Variants in MID1 observed in about 807,000 individuals in gnomAD.
MID1 encodes midline 1.
Under a neutral mutation model 40.4 loss-of-function variants are expected in MID1, and 7 were observed. The observed-to-expected ratio is 0.17, with a 90% CI of 0.10 to 0.33. MID1 has a LOEUF of 0.33. Among genes scored for constraint, MID1 ranks in the 10% least tolerant of loss-of-function variants. MID1 has a pLI of 1.00. For missense variants in MID1, 367 were observed against 558.5 expected, an observed-to-expected ratio of 0.66 and a Z score of 3.46; for synonymous variants, 229 against 221.2, an observed-to-expected ratio of 1.04 and a Z score of -0.31.
intron 1 of MID1, among the ~76,000 whole-genome samples, chrX:10,609,784 C>T (rs1935700425): frequency 1.0e-5 from 1 of 98,510 alleles, no homozygotes; most frequent in Non-Finnish European, 2.0e-5. Flanking sequence ...GTGGCGCGAT[C>T]TCGGCTCACT....
chrX:10,462,365 T>TA (rs983077259), intron 7 of MID1, among the ~76,000 whole-genome samples: 1 of 111,981 alleles, frequency 8.9e-6, no homozygotes, highest in Admixed American at 9.5e-5. Flanking sequence ...GTGTTGGTCT[T>TA]ACGCCAGCAC....
intron 1 of MID1, among the ~76,000 whole-genome samples, chrX:10,730,906 T>G (rs748873640): frequency 9.0e-6 from 1 of 111,563 alleles, no homozygotes; most frequent in African/African-American, 3.3e-5. Context: ...AATCACATCT[T>G]ATTGGAAATT....
intron 1 of MID1, among the ~76,000 whole-genome samples, chrX:10,807,416 C>T (rs965435297): frequency 9.0e-6 from 1 of 111,556 alleles, no homozygotes; most frequent in East Asian, 2.8e-4. Context: ...GGTTCTATGC[C>T]GAGGGTTTCA....
chrX:10,634,173 TG>T (rs1936083965), intron 1 of MID1, among the ~76,000 whole-genome samples: 1 of 111,347 alleles, frequency 9.0e-6, no homozygotes, highest in Admixed American at 9.6e-5. Context: ...AATACCTATG[TG>T]TATGCTAAAA....
At chrX:10,648,407 C>G (rs1038075327) in intron 1 of MID1, among the ~76,000 whole-genome samples, 7 of 112,036 alleles carry the variant, frequency 6.2e-5, no homozygotes, top group African/African-American at 2.3e-4. Flanking sequence ...CAATCCAAAA[C>G]TCTGCATTAT....
chrX:10,454,927 T>G lies in MID1; in HGVS notation c.1598A>C (p.Asn533Thr), dbSNP rs1279961984. 1 of 1,209,775 alleles carries G rather than the reference T, an allele frequency of 8.3e-7. No homozygotes were observed. The highest frequency in any genetic ancestry group is 1.8e-5 in the African/African-American group (1 of 57,127). Reference protein sequence around the residue: ...TSQGSYGVAGNVFIDSGRHYW... With the variant: ...TSQGSYGVAGTVFIDSGRHYW... Reference sequence around the variant, plus strand: ...ATGCCGGCCACTATCAATAAACACATTTCCAGCTACTCCATAGCTCCCCTG... The same window carrying G: ...ATGCCGGCCACTATCAATAAACACAGTTCCAGCTACTCCATAGCTCCCCTG... Residue 533 changes from asparagine to threonine, a missense_variant, in exon 9 of 10, where the codon AAT becomes ACT. Physicochemically the swap from Asn to Thr is moderately conservative, Grantham distance 65. Transcript: ENST00000317552.
intron 1 of MID1, among the ~76,000 whole-genome samples, chrX:10,688,141 G>C (rs2043111592): frequency 8.9e-6 from 1 of 111,894 alleles, no homozygotes; most frequent in Admixed American, 9.5e-5. Flanking sequence ...ATTACAAAGT[G>C]TGAGGCACGT....
chrX:10,623,305 AGAAGGAAGGAAGGAAG>A (rs201219943), upstream of MID1, among the ~76,000 whole-genome samples: 23 of 100,879 alleles, frequency 2.3e-4, no homozygotes, highest in Middle Eastern at 4.9e-3. Flanking sequence ...AGAGAAAGAA[AGAAGGAAGGAAGGAAG>A]GAAGGAAGGA....
intron 2 of MID1, among the ~76,000 whole-genome samples, chrX:10,553,746 T>G (rs1256170222): frequency 1.8e-5 from 2 of 112,017 alleles, no homozygotes; most frequent in Non-Finnish European, 3.8e-5. Flanking sequence ...GATTTCCATA[T>G]TTCAACTTTG....
At chrX:10,477,940 TTGAA>T (rs1237345337) in intron 5 of MID1, among the ~76,000 whole-genome samples, 2 of 112,568 alleles carry the variant, frequency 1.8e-5, no homozygotes, top group Non-Finnish European at 3.8e-5. Flanking sequence ...CTCTAATTCT[TTGAA>T]CCAAGCAACA....
upstream of MID1, among the ~76,000 whole-genome samples, chrX:10,621,891 G>A (rs1316997666): frequency 2.9e-5 from 3 of 104,789 alleles, no homozygotes; most frequent in Non-Finnish European, 5.8e-5. Flanking sequence ...TTTGTCGTGA[G>A]GGCTGTCCTG....
chrX:10,758,641 C>A (rs2147118750), intron 1 of MID1, among the ~76,000 whole-genome samples: 1 of 108,946 alleles, frequency 9.2e-6, no homozygotes, highest in East Asian at 2.9e-4. Context: ...CAGTTGCCCG[C>A]CACCACGCCC....
chrX:10,647,815 G>C (rs1364503348), intron 1 of MID1, among the ~76,000 whole-genome samples: 3 of 111,815 alleles, frequency 2.7e-5, no homozygotes, highest in Non-Finnish European at 5.6e-5. Flanking sequence ...GTAGGTAAAA[G>C]AAGAGCAGAA....
intron 1 of MID1, among the ~76,000 whole-genome samples, chrX:10,817,492 A>AT (rs1474986898): frequency 9.5e-6 from 1 of 105,724 alleles, no homozygotes; most frequent in Non-Finnish European, 2.0e-5. Flanking sequence ...CTTCAACATG[A>AT]TTTTCTTTCT....
intron 1 of MID1, among the ~76,000 whole-genome samples, chrX:10,748,265 G>T (rs1023600322): frequency 1.1e-4 from 12 of 111,537 alleles, no homozygotes; most frequent in Non-Finnish European, 2.3e-4. Flanking sequence ...AGCAGCAGCA[G>T]GGCTAGGTTC....
intron 3 of MID1, among the ~76,000 whole-genome samples, chrX:10,515,821 G>A (rs931623237): frequency 2.5e-4 from 28 of 112,243 alleles, no homozygotes; most frequent in African/African-American, 7.4e-4. Flanking sequence ...TGTATTTGCT[G>A]TAAAAGAACT....
intron 4 of MID1, among the ~76,000 whole-genome samples, chrX:10,491,315 T>C (rs895924065): frequency 5.9e-4 from 66 of 112,393 alleles, no homozygotes; most frequent in African/African-American, 2.0e-3. Context: ...TTTCTTTCAT[T>C]TACTTTTCTT....
intron 1 of MID1, among the ~76,000 whole-genome samples, chrX:10,761,581 A>C (rs1424312983): frequency 1.8e-5 from 2 of 112,026 alleles, no homozygotes; most frequent in Non-Finnish European, 3.8e-5. Flanking sequence ...CAAGGCTTCA[A>C]GAGGTCTTAT....
intron 1 of MID1, among the ~76,000 whole-genome samples, chrX:10,661,356 A>C (rs1274112408): frequency 9.4e-6 from 1 of 106,532 alleles, no homozygotes; most frequent in Non-Finnish European, 1.9e-5. Flanking sequence ...TCTGCTGCCC[A>C]GGCTGGAGTG....
Sources: gnomAD v4.1 joint callset for allele counts (sites outside exome capture counted in the v4.1 genomes callset) on GRCh38, gnomAD v4.1.1 for gene constraint, MANE v1.5 for transcripts, NCBI Gene and HGNC (gene_info 2026-07-23, HGNC 2026-07-21) for gene names.